The following DLEC1 variants were observed in gnomAD, a reference collection of about 807,000 sequenced individuals.
DLEC1 encodes DLEC1 cilia and flagella associated protein.
A neutral mutation model predicts 198.1 loss-of-function variants in DLEC1; 146 were observed. The observed-to-expected ratio is 0.74, with a 90% confidence interval of 0.64 to 0.85. The LOEUF is 0.85. DLEC1 is among the 40% of genes least tolerant of loss of function. DLEC1 has a pLI of 0.00. For missense variants in DLEC1, 2,233 were observed against 2,220.0 expected, an observed-to-expected ratio of 1.01 and a Z score of -0.12; for synonymous variants, 897 against 866.8, an observed-to-expected ratio of 1.03 and a Z score of -0.61.
In DLEC1 at chr3:38,047,199, G is replaced by A. The variant is rs148153048; in HGVS notation, c.562+1506G>A. On this transcript the variant is annotated intron_variant, in intron 2 of 36. Transcript: ENST00000308059. ...TCTTGTTCCTCATCAAAGCTCCATC[G>A]CCATACCACCAGCATTCACTGAAAA... Among the ~76,000 whole-genome samples, 325 of 152,252 alleles carry A rather than the reference G, an allele frequency of 2.1e-3. 1 individual carries two copies. Among genetic ancestry groups the A allele is most frequent in the African/African-American group, 7.3e-3 (302 of 41,552 alleles).
chr3:38,071,994 G>GTA (rs1697345576), intron 6 of DLEC1, among the ~76,000 whole-genome samples: 1 of 152,220 alleles, frequency 6.6e-6, no homozygotes, highest in Non-Finnish European at 1.5e-5. Flanking sequence ...AGCATAGCCT[G>GTA]CCTTTGCTGG....
chr3:38,106,424 G>A (rs1699570070), intron 19 of DLEC1, among the ~76,000 whole-genome samples: 2 of 152,130 alleles, frequency 1.3e-5, no homozygotes, highest in Non-Finnish European at 2.9e-5. Flanking sequence ...ATAAACACAT[G>A]GAATTTCTTT....
intron 6 of DLEC1, among the ~76,000 whole-genome samples, chr3:38,074,053 G>C (rs1434898816): frequency 6.6e-6 from 1 of 152,252 alleles, no homozygotes; most frequent in Non-Finnish European, 1.5e-5. Flanking sequence ...ACACAGATGG[G>C]ACATGGCTTG....
chr3:38,099,629 C>A (rs1699203038), intron 18 of DLEC1, among the ~76,000 whole-genome samples: 1 of 152,184 alleles, frequency 6.6e-6, no homozygotes, highest in Non-Finnish European at 1.5e-5. Context: ...TGGCTCCTTA[C>A]AGGGACAAGT....
Position 38,088,399 on chromosome 3 carries a change from A to G in DLEC1, c.1665+11A>G, listed in dbSNP as rs1385105857. On this transcript the variant is annotated intron_variant, in intron 10 of 36. Coordinates refer to ENST00000308059, the MANE Select transcript of DLEC1 (RefSeq NM_007335.4). ...GCTATATTAGTGGAGGTAGGTAATCAGACATTGGCATGTATTTCCTCAACT... is the reference window on the plus strand; with the variant it reads ...GCTATATTAGTGGAGGTAGGTAATCGGACATTGGCATGTATTTCCTCAACT... The G allele has an allele frequency of 1.2e-6, 2 of 1,606,816 alleles. No homozygotes were observed. The highest frequency in any genetic ancestry group is 1.7e-5 in the Admixed American group (1 of 59,750).
At chr3:38,088,213 T>G in intron 9 of DLEC1, 83 bp from the exon 10 acceptor site, 1 of 1,207,412 alleles carries the variant, frequency 8.3e-7, no homozygotes, top group Non-Finnish European at 1.2e-6. Context: ...GCAAAATGGA[T>G]GTTTGAAGGA....
intron 2 of DLEC1, among the ~76,000 whole-genome samples, chr3:38,057,535 A>G (rs777161219): frequency 1.6e-4 from 25 of 152,346 alleles, no homozygotes; most frequent in Non-Finnish European, 3.4e-4. Context: ...GGATCTCACA[A>G]AGATAAAGAT....
At chr3:38,109,323 T>C in intron 21 of DLEC1, 109 bp from the exon 22 acceptor site, 4 of 1,470,324 alleles carry the variant, frequency 2.7e-6, no homozygotes, top group Non-Finnish European at 3.7e-6. Context: ...GAGATGAGCC[T>C]GGCCAGAGGT....
At chr3:38,064,861 G>C (rs538067780) in intron 6 of DLEC1, among the ~76,000 whole-genome samples, 1 of 151,634 alleles carries the variant, frequency 6.6e-6, no homozygotes. Context: ...CAGACTGGGC[G>C]GCCGGGCAGA....
intron 1 of DLEC1, among the ~76,000 whole-genome samples, chr3:38,044,842 T>C (rs1700811121): frequency 6.6e-6 from 1 of 152,186 alleles, no homozygotes. Context: ...GAGGAGTATG[T>C]TGGGCATCCA....
chr3:38,094,098 C>T (rs1048860785), intron 12 of DLEC1, among the ~76,000 whole-genome samples: 1 of 152,196 alleles, frequency 6.6e-6, no homozygotes, highest in Non-Finnish European at 1.5e-5. Flanking sequence ...TAGTGCTGCC[C>T]CAAATCATCC....
intron 1 of DLEC1, among the ~76,000 whole-genome samples, chr3:38,044,652 G>T (rs1021492413): frequency 6.6e-6 from 1 of 152,156 alleles, no homozygotes; most frequent in African/African-American, 2.4e-5. Flanking sequence ...AGGCTCAAGC[G>T]ATTCTCTTGC....
At chr3:38,082,373 T>C (rs1698090828) in intron 6 of DLEC1, among the ~76,000 whole-genome samples, 1 of 148,638 alleles carries the variant, frequency 6.7e-6, no homozygotes, top group African/African-American at 2.5e-5. Context: ...GCAGAGACAC[T>C]CCTCACTTCC....
Position 38,112,296 on chromosome 3 carries a change from CT to C in DLEC1, c.3602del (p.Leu1201ArgfsTer45). 1 of 1,614,194 alleles carries C rather than the reference CT, an allele frequency of 6.2e-7. No homozygotes were observed. The highest frequency in any genetic ancestry group is 8.5e-7 in the Non-Finnish European group (1 of 1,180,024). On this transcript the variant is annotated frameshift_variant, in exon 25 of 37. Coordinates refer to ENST00000308059, the MANE Select transcript of DLEC1 (RefSeq NM_007335.4). LOFTEE classifies it high-confidence loss of function. The surrounding 1 kb of genome is among the most constrained non-coding windows in gnomAD (Gnocchi z 4.8). Reference protein sequence around the residue: ...SQGMLGPYQQLCIDITGCANM... With the variant: ...SQGMLGPYQQXCIDITGCANM... ...GGGCATGCTGGGGCCCTACCAGCAG[CT>C]GTGCATTGACATCACAGGCTGTGCC... is the stretch of plus-strand genomic sequence containing the variant.
chr3:38,092,597 T>C (rs2125689033), intron 10 of DLEC1, among the ~76,000 whole-genome samples, 193 bp from the exon 11 acceptor site: 1 of 152,106 alleles, frequency 6.6e-6, no homozygotes, highest in African/African-American at 2.4e-5. Context: ...CCTTTTAGCT[T>C]GCTCCCTGCT....
chr3:38,123,329 T>G lies in DLEC1; in HGVS notation c.*917T>G, dbSNP rs537430597. 1 of 577,902 alleles carries G rather than the reference T, an allele frequency of 1.7e-6. No homozygotes were observed. Among genetic ancestry groups the G allele is most frequent in the African/African-American group, 1.9e-5 (1 of 53,698 alleles). 35.8% of individuals were successfully genotyped at this position (577,902 alleles called of 1,614,324 possible). ...TAGTATCCCTTTCAAGGCTGGCCCT[T>G]AAGGAAAACAGGGATCATGCCCCTA... On this transcript the variant is annotated 3_prime_UTR_variant, in exon 37 of 37. Coordinates refer to ENST00000308059, the MANE Select transcript of DLEC1 (RefSeq NM_007335.4).
Position 38,096,757 on chromosome 3 carries a change from C to A in DLEC1, c.2340+20C>A, listed in dbSNP as rs1339617545. On this transcript the variant is annotated intron_variant, in intron 15 of 36. Coordinates refer to ENST00000308059, the MANE Select transcript of DLEC1 (RefSeq NM_007335.4). Reference sequence around the variant, plus strand: ...TTTAAGGTAGGTCATTGTCTCTCCCCTGCCTAGGCTGGCCGAGGCAGTGTT... The same window carrying A: ...TTTAAGGTAGGTCATTGTCTCTCCCATGCCTAGGCTGGCCGAGGCAGTGTT... The A allele has an allele frequency of 1.9e-6, 3 of 1,586,422 alleles. No individual in the cohort carries two copies. The highest frequency in any genetic ancestry group is 4.5e-5 in the East Asian group (2 of 44,684).
intron 13 of DLEC1, chr3:38,095,306 G>A: frequency 1.8e-6 from 1 of 549,754 alleles, no homozygotes; most frequent in Non-Finnish European, 3.3e-6. Context: ...CCCTTGGCTG[G>A]CTTCCTCCGC....
chr3:38,072,503 T>C (rs999680576), intron 6 of DLEC1, among the ~76,000 whole-genome samples: 1 of 152,124 alleles, frequency 6.6e-6, no homozygotes, highest in Non-Finnish European at 1.5e-5. Flanking sequence ...CTGTGTGTAA[T>C]GAAAAGAGTT....
Sources: allele counts gnomAD v4.1 joint callset (sites outside exome capture counted in the v4.1 genomes callset), GRCh38; gene constraint gnomAD v4.1.1; non-coding constraint Gnocchi (gnomAD v3.1); transcripts MANE v1.5; gene names NCBI Gene and HGNC (gene_info 2026-07-23, HGNC 2026-07-21).